LRIF1: variants seen among roughly 807,000 people sequenced by gnomAD.
The protein encoded by LRIF1 is ligand-dependent nuclear receptor-interacting factor 1.
In LRIF1, 32 loss-of-function variants were observed where a neutral mutation model predicts 52.7. The ratio of observed to expected loss-of-function variants is 0.61; its 90% CI spans 0.46 to 0.82. LRIF1 has a LOEUF of 0.82. Among genes scored for constraint, LRIF1 ranks in the 40% least tolerant of loss-of-function variants. The probability of loss-of-function intolerance (pLI) is 0.00; values close to 1 mark genes in which losing one functional copy is unlikely to be tolerated. For synonymous variants in LRIF1, 323 were observed against 317.4 expected (o/e 1.02, Z -0.19); for missense variants, 887 against 892.0 (o/e 0.99, Z 0.07).
chr1:110,936,824 C>A, the LRIF1 span: 2 of 152,014 alleles, frequency 1.3e-5, no homozygotes, highest in African/African-American at 4.8e-5. Context: ...ATTCATTAAT[C>A]TGTTGCCTAC....
the LRIF1 span, among the ~76,000 whole-genome samples, chr1:110,924,534 A>G: frequency 3.3e-5 from 5 of 152,230 alleles, no homozygotes; most frequent in Non-Finnish European, 7.3e-5. Context: ...AGCCCCTTAT[A>G]AAACCATCAG....
the LRIF1 span, among the ~76,000 whole-genome samples, chr1:110,915,972 G>C: frequency 2.2e-4 from 34 of 152,224 alleles, no homozygotes; most frequent in African/African-American, 7.0e-4. Context: ...TGTGGTAGGA[G>C]AAAATAAATG....
chr1:110,950,190 TAAG>T, intron 2 of LRIF1, 67 bp from the exon 3 acceptor site: 3 of 1,479,322 alleles, frequency 2.0e-6, no homozygotes, highest in Non-Finnish European at 2.7e-6. Flanking sequence ...ATTAAGCAAC[TAAG>T]TGATTATTTC....
the LRIF1 span, among the ~76,000 whole-genome samples, chr1:110,935,079 C>G: frequency 6.6e-6 from 1 of 152,082 alleles, no homozygotes; most frequent in Non-Finnish European, 1.5e-5. Flanking sequence ...TTGTCCAAGA[C>G]CGTCAAGGCA....
At chr1:110,958,457 T>A (rs1013855696) in intron 1 of LRIF1, among the ~76,000 whole-genome samples, 5 of 1,152 alleles carry the variant, frequency 4.3e-3, no homozygotes, top group Non-Finnish European at 1.0e-2. Context: ...GCTAATTTTT[T>A]AAAATGAGTA....
chr1:110,898,379 GAAA>G, the LRIF1 span, among the ~76,000 whole-genome samples: 4 of 115,654 alleles, frequency 3.5e-5, no homozygotes, highest in African/African-American at 7.1e-5. Context: ...TCTGTCTCCA[GAAA>G]AAAAAAAAAA....
chr1:110,956,844 A>T (rs1658719293), intron 1 of LRIF1, among the ~76,000 whole-genome samples: 1 of 152,166 alleles, frequency 6.6e-6, no homozygotes, highest in Non-Finnish European at 1.5e-5. Context: ...ATATGCCAGA[A>T]AGTTATCTTG....
chr1:110,882,221 T>C, the LRIF1 span, among the ~76,000 whole-genome samples: 1 of 152,198 alleles, frequency 6.6e-6, no homozygotes, highest in Non-Finnish European at 1.5e-5. Context: ...ATTATAGTTT[T>C]GGATTTTACC....
In LRIF1 at chr1:110,949,881, C is replaced by T. The variant is rs956712723; in HGVS notation, c.1839G>A (p.Glu613=). The part of the protein sequence containing the change: ...LVKSGTYKET[E]FMVKEGERKQ... ...TTCTCTCTCCTTCCTTCACCATAAA[C>T]TCTGTCTCTTTGTAAGTACCACTCT... The change falls in exon 3 of 4, where the codon GAG becomes GAA. Residue 613 remains glutamate (E), a synonymous_variant. Transcript: ENST00000369763. 4 of 1,614,040 alleles carry T rather than the reference C, an allele frequency of 2.5e-6. No individual in the cohort carries two copies. The highest frequency in any genetic ancestry group is 3.4e-6 in the Non-Finnish European group (4 of 1,179,974).
the LRIF1 span, chr1:110,894,261 A>C: frequency 6.3e-6 from 9 of 1,422,204 alleles, no homozygotes; most frequent in South Asian, 1.1e-5. Context: ...GGATGCTCCC[A>C]GAGCTGAGTG....
At chr1:110,941,068 T>C in the LRIF1 span, 1 of 152,072 alleles carries the variant, frequency 6.6e-6, no homozygotes, top group Non-Finnish European at 1.5e-5. Flanking sequence ...TACATGCCTA[T>C]ATTAAAATAT....
Position 110,949,898 on chromosome 1 carries a change from T to A in LRIF1, c.1822A>T (p.Thr608Ser). 3 of 1,614,158 alleles carry A rather than the reference T, an allele frequency of 1.9e-6. No individual in the cohort carries two copies. Among genetic ancestry groups the A allele is most frequent in the Admixed American group, 3.3e-5 (2 of 60,024 alleles). Reference protein sequence around the residue: ...DSFSSLVKSGTYKETEFMVKE... With the variant: ...DSFSSLVKSGSYKETEFMVKE... ...ACCATAAACTCTGTCTCTTTGTAAG[T>A]ACCACTCTTTACCAAACTGCTAAAG... Residue 608 changes from threonine (T) to serine (S), a missense_variant, in exon 3 of 4, where the codon ACT (threonine) becomes TCT (serine). Thr to Ser is a moderately conservative substitution (Grantham distance 58, BLOSUM62 1). Transcript: ENST00000369763.
the LRIF1 span, among the ~76,000 whole-genome samples, chr1:110,912,620 C>A: frequency 6.6e-6 from 1 of 152,140 alleles, no homozygotes; most frequent in African/African-American, 2.4e-5. Flanking sequence ...TTCAGCTAAC[C>A]ACGGAGGTGA....
At chr1:110,904,453 C>T in the LRIF1 span, among the ~76,000 whole-genome samples, 1 of 152,096 alleles carries the variant, frequency 6.6e-6, no homozygotes, top group African/African-American at 2.4e-5. Flanking sequence ...AGAGAGAATC[C>T]CTTAGTTTAG....
chr1:110,939,302 T>G, the LRIF1 span: 1 of 136,070 alleles, frequency 7.3e-6, no homozygotes, highest in Non-Finnish European at 1.5e-5. Context: ...GGCATGAACC[T>G]GGGAGGCGGA....
chr1:110,916,785 T>C, the LRIF1 span, among the ~76,000 whole-genome samples: 1 of 152,164 alleles, frequency 6.6e-6, no homozygotes, highest in Non-Finnish European at 1.5e-5. Context: ...GAAGCTGTAT[T>C]AGATAGACCT....
At chr1:110,882,786 T>C in the LRIF1 span, among the ~76,000 whole-genome samples, 1 of 152,074 alleles carries the variant, frequency 6.6e-6, no homozygotes, top group Non-Finnish European at 1.5e-5. Flanking sequence ...TTCACAACTT[T>C]TGTCAGATTT....
chr1:110,919,543 T>TATCC, the LRIF1 span, among the ~76,000 whole-genome samples: 1 of 152,178 alleles, frequency 6.6e-6, no homozygotes, highest in African/African-American at 2.4e-5. Context: ...TCTATCTATC[T>TATCC]ATCCTATTAG....
the LRIF1 span, among the ~76,000 whole-genome samples, chr1:110,875,963 T>C: frequency 6.6e-6 from 1 of 152,224 alleles, no homozygotes; most frequent in East Asian, 1.9e-4. Context: ...CAGCAGAATT[T>C]CTACCCAAGC....
Sources: gnomAD v4.1 joint callset for allele counts (sites outside exome capture counted in the v4.1 genomes callset) on GRCh38, gnomAD v4.1.1 for gene constraint, MANE v1.5 for transcripts, NCBI Gene and HGNC (gene_info 2026-07-23, HGNC 2026-07-21) for gene names.